CALCRL: variants seen among roughly 807,000 people sequenced by gnomAD.
CALCRL encodes calcitonin receptor like receptor.
CALCRL carries 27 observed loss-of-function variants against 60.4 expected under a neutral mutation model. That is an observed-to-expected ratio of 0.45 (90% CI 0.33 to 0.62). The LOEUF (loss-of-function observed/expected upper bound fraction) is 0.62, where lower values mean the gene tolerates loss of function less well. CALCRL is among the 20% of genes least tolerant of loss of function. The pLI, the probability that CALCRL is intolerant of heterozygous loss-of-function variation, is 0.03. For synonymous variants in CALCRL, 190 were observed against 182.6 expected (o/e 1.04, Z -0.33); for missense variants, 424 against 540.7 (o/e 0.78, Z 2.14).
chr2:187,392,842 T>C (rs547208303), intron 1 of CALCRL, among the ~76,000 whole-genome samples: 2 of 152,096 alleles, frequency 1.3e-5, no homozygotes, highest in Non-Finnish European at 2.9e-5. Context: ...TTGTTGGGAT[T>C]ACAGGCTTGA....
chr2:187,349,373 G>T (rs907757329), intron 14 of CALCRL, among the ~76,000 whole-genome samples: 2 of 151,638 alleles, frequency 1.3e-5, no homozygotes, highest in African/African-American at 4.8e-5. Flanking sequence ...TTAAGCTAAA[G>T]GCAGGCATTT....
At chr2:187,444,547 T>C (rs1011358789) in intron 1 of CALCRL, among the ~76,000 whole-genome samples, 1 of 151,604 alleles carries the variant, frequency 6.6e-6, no homozygotes, top group Non-Finnish European at 1.5e-5. Flanking sequence ...GGTGTATTAG[T>C]TTTGAATAAT....
intron 1 of CALCRL, among the ~76,000 whole-genome samples, chr2:187,411,909 T>TGGCGTGAACCTGGGA (rs1043595601): frequency 1.4e-4 from 19 of 131,924 alleles, no homozygotes; most frequent in Middle Eastern, 5.5e-3. Context: ...GGCAGGAGAA[T>TGGCGTGAACCTGGGA]GGCGTGAACC....
At chr2:187,394,297 C>G (rs559280864) in intron 1 of CALCRL, among the ~76,000 whole-genome samples, 19 of 152,074 alleles carry the variant, frequency 1.2e-4, no homozygotes, top group Admixed American at 7.9e-4. Context: ...AGGTTCTCCC[C>G]CAGAGTCTAC....
intron 3 of CALCRL, among the ~76,000 whole-genome samples, chr2:187,386,714 T>C (rs1017148796): frequency 6.6e-6 from 1 of 152,178 alleles, no homozygotes; most frequent in South Asian, 2.1e-4. Context: ...CTAAATGATA[T>C]GGTTTGGCTC....
chr2:187,359,154 G>A (rs762819813), intron 11 of CALCRL, 25 bp from the exon 12 acceptor site: 1 of 1,605,696 alleles, frequency 6.2e-7, no homozygotes, highest in South Asian at 1.1e-5. Context: ...ATAACATTAT[G>A]TTGAAAATTT....
At chr2:187,379,136 A>G (rs1687886657) in intron 7 of CALCRL, 105 bp from the exon 8 acceptor site, 2 of 623,172 alleles carry the variant, frequency 3.2e-6, no homozygotes, top group Non-Finnish European at 5.8e-6. Flanking sequence ...CTATATTTTT[A>G]GAAATATGTG....
chr2:187,445,489 G>T (rs1187248206), intron 1 of CALCRL, among the ~76,000 whole-genome samples: 2 of 151,408 alleles, frequency 1.3e-5, no homozygotes, highest in Non-Finnish European at 1.5e-5. Context: ...TTTCTATAAA[G>T]ATCTAGAACA....
chr2:187,410,537 A>G (rs904272955), intron 1 of CALCRL, among the ~76,000 whole-genome samples: 19 of 152,202 alleles, frequency 1.2e-4, no homozygotes, highest in Admixed American at 1.2e-3. Flanking sequence ...GAAGGGAAAT[A>G]TGAAGTGGGT....
At chr2:187,364,031 T>A (rs982013974) in intron 8 of CALCRL, among the ~76,000 whole-genome samples, 7 of 152,210 alleles carry the variant, frequency 4.6e-5, no homozygotes, top group African/African-American at 1.4e-4. Flanking sequence ...GATGAATTGA[T>A]AAAAATGTAA....
chr2:187,349,694 A>G (rs780458360), intron 14 of CALCRL, among the ~76,000 whole-genome samples: 3 of 151,666 alleles, frequency 2.0e-5, no homozygotes, highest in Non-Finnish European at 4.4e-5. Flanking sequence ...TTCCAATGTC[A>G]AAATTTTCTC....
chr2:187,436,075 A>G (rs982590233), intron 1 of CALCRL, among the ~76,000 whole-genome samples: 2 of 152,090 alleles, frequency 1.3e-5, no homozygotes, highest in African/African-American at 4.8e-5. Context: ...CTTGTTATTT[A>G]TTGGTAGTTC....
chr2:187,415,778 T>C (rs1689577835), intron 1 of CALCRL: 2 of 466,200 alleles, frequency 4.3e-6, no homozygotes, highest in Non-Finnish European at 7.8e-6. Flanking sequence ...CTCATTTCCT[T>C]GTATGACAAT....
intron 14 of CALCRL, among the ~76,000 whole-genome samples, chr2:187,348,079 A>G (rs1054753786): frequency 6.6e-6 from 1 of 151,746 alleles, no homozygotes; most frequent in Non-Finnish European, 1.5e-5. Flanking sequence ...TTATAAGGCA[A>G]CAAATTTATT....
intron 1 of CALCRL, among the ~76,000 whole-genome samples, chr2:187,417,717 CA>C (rs1485177948): frequency 6.6e-6 from 1 of 151,894 alleles, no homozygotes; most frequent in Non-Finnish European, 1.5e-5. Flanking sequence ...TCAGGGAAGA[CA>C]AAAGGTCTAA....
At chr2:187,424,900 C>A (rs1690051523) in intron 1 of CALCRL, among the ~76,000 whole-genome samples, 1 of 151,868 alleles carries the variant, frequency 6.6e-6, no homozygotes, top group Non-Finnish European at 1.5e-5. Context: ...ACAAAATGGA[C>A]AACAAATGTA....
intron 1 of CALCRL, among the ~76,000 whole-genome samples, chr2:187,429,125 A>G (rs1181782674): frequency 1.3e-5 from 2 of 152,096 alleles, no homozygotes; most frequent in Admixed American, 1.3e-4. Context: ...TGATAACTAG[A>G]AATAGATGCT....
At chr2:187,419,287 T>G (rs956328939) in intron 1 of CALCRL, among the ~76,000 whole-genome samples, 3 of 152,082 alleles carry the variant, frequency 2.0e-5, no homozygotes, top group Non-Finnish European at 4.4e-5. Flanking sequence ...AATGAAGTAA[T>G]AAATGCGTAT....
chr2:187,376,797 A>G (rs1687774366), intron 8 of CALCRL, among the ~76,000 whole-genome samples: 1 of 152,114 alleles, frequency 6.6e-6, no homozygotes, highest in South Asian at 2.1e-4. Flanking sequence ...TAATTATTAT[A>G]CTTTGCAACT....
Sources: gnomAD v4.1 joint callset for allele counts (sites outside exome capture counted in the v4.1 genomes callset) on GRCh38, gnomAD v4.1.1 for gene constraint, MANE v1.5 for transcripts, NCBI Gene and HGNC (gene_info 2026-07-23, HGNC 2026-07-21) for gene names.